EFCAB14: variants seen among roughly 807,000 people sequenced by gnomAD.
EFCAB14 encodes EF-hand calcium binding domain 14.
Under a neutral mutation model 56.5 loss-of-function variants are expected in EFCAB14, and 43 were observed. The observed-to-expected ratio is 0.76, with a 90% CI of 0.60 to 0.98. The LOEUF is 0.98. Among genes scored for constraint, EFCAB14 ranks in the 50% least tolerant of loss-of-function variants. The pLI is 0.00. For synonymous variants in EFCAB14, 235 were observed against 212.9 expected (o/e 1.10, Z -0.90); for missense variants, 538 against 580.3 (o/e 0.93, Z 0.75).
intron 3 of EFCAB14, among the ~76,000 whole-genome samples, chr1:46,702,448 G>C (rs752284070): frequency 8.5e-5 from 13 of 152,170 alleles, no homozygotes; most frequent in Non-Finnish European, 1.9e-4. Flanking sequence ...GGAAAGAAGA[G>C]AGGCTTCCAG....
intron 3 of EFCAB14, among the ~76,000 whole-genome samples, chr1:46,697,854 CTTTTTT>C (rs759488898): frequency 1.5e-5 from 2 of 134,620 alleles, no homozygotes; most frequent in Non-Finnish European, 3.1e-5. Flanking sequence ...CTCTCTCTCT[CTTTTTT>C]TTTTTTTTTT....
chr1:46,713,185 A>G (rs773079332), intron 2 of EFCAB14, among the ~76,000 whole-genome samples: 17 of 152,210 alleles, frequency 1.1e-4, no homozygotes, highest in Non-Finnish European at 2.2e-4. Context: ...TGGACTGACT[A>G]CACCCCATTC....
chr1:46,708,055 A>G lies in EFCAB14; in HGVS notation c.335-4T>C. The G allele has an allele frequency of 6.2e-7, 1 of 1,609,920 alleles. No homozygotes were observed. Among genetic ancestry groups the G allele is most frequent in the Non-Finnish European group, 8.5e-7 (1 of 1,179,254 alleles). ...GAGCTTTTCTGATTAGATTCCACTAAAAAGACAAAATAAGAACAATCATAA... is the reference window on the plus strand; with the variant it reads ...GAGCTTTTCTGATTAGATTCCACTAGAAAGACAAAATAAGAACAATCATAA... On this transcript the variant is annotated splice_region_variant and splice_polypyrimidine_tract_variant and intron_variant, in intron 2 of 10. Transcript: ENST00000371933.
intron 1 of EFCAB14, 42 bp from the exon 2 acceptor site, chr1:46,716,485 T>G: frequency 6.2e-7 from 1 of 1,608,222 alleles, no homozygotes; most frequent in Non-Finnish European, 8.5e-7. Flanking sequence ...CAAAAGTGAT[T>G]ATGGGTATAG....
At position 46,688,407 on chromosome 1, in the gene EFCAB14, G is replaced by A. The variant is rs748465960; in HGVS notation, c.933C>T (p.Ser311=). The A allele has an allele frequency of 1.6e-5, 26 of 1,613,788 alleles. No individual in the cohort carries two copies. In the South Asian group the frequency reaches 2.1e-4, roughly 13 times the overall value. The change falls in exon 7 of 11, where the codon AGC becomes AGT. Residue 311 remains serine (S), a synonymous_variant. Transcript: ENST00000371933. Reference sequence around the variant, plus strand: ...CTACCTTGCTCATAGCAACCACATCGCTTTCTATCAGGTTGACTCTCTGGG... The same window carrying A: ...CTACCTTGCTCATAGCAACCACATCACTTTCTATCAGGTTGACTCTCTGGG... ...NLTQRVNLIE[S]DVVAMSKVEK...
chr1:46,690,699 G>A (rs767166310), intron 5 of EFCAB14, among the ~76,000 whole-genome samples: 10 of 152,108 alleles, frequency 6.6e-5, no homozygotes, highest in African/African-American at 1.4e-4. Flanking sequence ...GTTACTCAGC[G>A]GCAGTTAGAA....
At chr1:46,697,494 C>G (rs79945921) in intron 3 of EFCAB14, among the ~76,000 whole-genome samples, 1 of 152,118 alleles carries the variant, frequency 6.6e-6, no homozygotes, top group Non-Finnish European at 1.5e-5. Flanking sequence ...AGTTCTAAAC[C>G]GCTTTCCCAT....
chr1:46,676,411 G>A lies in EFCAB14; in HGVS notation c.*2050C>T, dbSNP rs1213605422. The A allele has an allele frequency of 6.6e-6, 1 of 152,502 alleles. No homozygotes were observed. Among genetic ancestry groups the A allele is most frequent in the Non-Finnish European group, 1.5e-5 (1 of 68,016 alleles). The allele number at this position is 152,502 out of a possible 1,614,324, so 9.4% of individuals were successfully genotyped here. ...AATACACACAACAAAGAGTTAAGGT[G>A]TCTTCAAAGTATCTGCCTATGAATA... is the stretch of plus-strand genomic sequence containing the variant. On this transcript the variant is annotated 3_prime_UTR_variant, in exon 11 of 11. Transcript: ENST00000371933.
intron 6 of EFCAB14, among the ~76,000 whole-genome samples, chr1:46,689,378 G>C (rs1676953255): frequency 6.6e-6 from 1 of 152,104 alleles, no homozygotes; most frequent in South Asian, 2.1e-4. Context: ...TGACTGACAT[G>C]CAGGGAAAAA....
chr1:46,689,162 G>T (rs968039801), intron 6 of EFCAB14, among the ~76,000 whole-genome samples: 1 of 151,716 alleles, frequency 6.6e-6, no homozygotes, highest in Non-Finnish European at 1.5e-5. Flanking sequence ...TTGCCTTTTC[G>T]TCTTTAGACT....
intron 4 of EFCAB14, 38 bp from the exon 5 acceptor site, chr1:46,691,975 A>C: frequency 6.7e-7 from 1 of 1,494,838 alleles, no homozygotes. Flanking sequence ...AAAAAGCTTT[A>C]AGAGACAACT....
intron 3 of EFCAB14, among the ~76,000 whole-genome samples, chr1:46,703,393 C>T (rs1271827700): frequency 6.6e-6 from 1 of 152,212 alleles, no homozygotes; most frequent in African/African-American, 2.4e-5. Flanking sequence ...TAGGCATAAG[C>T]CACTGTGCCC....
chr1:46,707,577 TG>T (rs1392182862), intron 3 of EFCAB14, among the ~76,000 whole-genome samples: 6 of 152,212 alleles, frequency 3.9e-5, no homozygotes, highest in East Asian at 1.9e-4. Flanking sequence ...CTACTTTTCT[TG>T]GGGGTTAGAT....
chr1:46,694,397 C>T (rs1170349604), intron 4 of EFCAB14, among the ~76,000 whole-genome samples: 2 of 152,180 alleles, frequency 1.3e-5, no homozygotes, highest in Admixed American at 1.3e-4. Flanking sequence ...AATCAAACAA[C>T]CCCATCAAAA....
Position 46,677,700 on chromosome 1 carries a change from A to T in EFCAB14, c.*761T>A, listed in dbSNP as rs1676717271. On this transcript the variant is annotated 3_prime_UTR_variant, in exon 11 of 11. Coordinates refer to ENST00000371933, the MANE Select transcript of EFCAB14 (RefSeq NM_014774.3). ...AGTACTAAAAATGAGAAAAATCCCC[A>T]AGACTTCTCTGATTCCCAGGTTGGG... 6.6e-6 allele frequency: 1 copy of T among 152,192 alleles called. No individual in the cohort carries two copies. Among genetic ancestry groups the T allele is most frequent in the East Asian group, 1.9e-4 (1 of 5,190 alleles). 9.4% of individuals were successfully genotyped at this position (152,192 alleles called of 1,614,324 possible).
chr1:46,678,651 T>A lies in EFCAB14; in HGVS notation c.1313-15A>T, dbSNP rs201430716. On this transcript the variant is annotated splice_polypyrimidine_tract_variant and intron_variant, in intron 10 of 10. Coordinates refer to ENST00000371933, the MANE Select transcript of EFCAB14 (RefSeq NM_014774.3). ...ATCCTGAAGATCTGTCAAAAATGAA[T>A]TACAAAAAATGTATACGTCTAAACA... is the stretch of plus-strand genomic sequence containing the variant. 3.4e-5 allele frequency: 55 copies of A among 1,598,662 alleles called. No individual in the cohort carries two copies. The East Asian group carries it at 4.3e-4, about 12-fold the overall frequency.
chr1:46,701,204 G>A (rs1459140276), intron 3 of EFCAB14, among the ~76,000 whole-genome samples: 2 of 152,134 alleles, frequency 1.3e-5, no homozygotes, highest in African/African-American at 2.4e-5. Context: ...GGGTTTGATG[G>A]GTTTTCTTGG....
intron 3 of EFCAB14, among the ~76,000 whole-genome samples, chr1:46,697,539 T>C (rs1157084445): frequency 1.3e-5 from 2 of 152,162 alleles, no homozygotes; most frequent in Non-Finnish European, 2.9e-5. Context: ...GATCTACCAA[T>C]AGCAATTATA....
At chr1:46,686,332 A>AT (rs1307124194) in intron 8 of EFCAB14, among the ~76,000 whole-genome samples, 2 of 152,222 alleles carry the variant, frequency 1.3e-5, no homozygotes, top group African/African-American at 4.8e-5. Context: ...ATTAGACACC[A>AT]TTTTTAGATT....
Sources: gnomAD v4.1 joint callset for allele counts (sites outside exome capture counted in the v4.1 genomes callset) on GRCh38, gnomAD v4.1.1 for gene constraint, MANE v1.5 for transcripts, NCBI Gene and HGNC (gene_info 2026-07-23, HGNC 2026-07-21) for gene names.